Variants in GLDN observed in about 807,000 individuals in gnomAD.
GLDN encodes collomin.
In GLDN, 47 loss-of-function variants were observed where a neutral mutation model predicts 56.5. That is an observed-to-expected ratio of 0.83 (90% CI 0.66 to 1.06). GLDN has a LOEUF of 1.06. GLDN is among the 50% of genes least tolerant of loss of function. The pLI is 0.00. For missense variants in GLDN, 782 were observed against 714.3 expected (o/e 1.09, Z -1.08); for synonymous variants, 332 against 278.8 (o/e 1.19, Z -1.90).
chr15:51,411,080 G>A (rs992023064), downstream of GLDN, among the ~76,000 whole-genome samples: 1 of 152,228 alleles, frequency 6.6e-6, no homozygotes, highest in African/African-American at 2.4e-5. Flanking sequence ...AGATTTGGGC[G>A]AAATAGGGAC....
At chr15:51,358,760 T>C (rs1233694382) in intron 1 of GLDN, among the ~76,000 whole-genome samples, 1 of 152,126 alleles carries the variant, frequency 6.6e-6, no homozygotes, top group African/African-American at 2.4e-5. Context: ...TGGGACCAAT[T>C]TGACCCTCAA....
intron 1 of GLDN, among the ~76,000 whole-genome samples, chr15:51,342,749 A>G (rs2036909547): frequency 6.6e-6 from 1 of 152,192 alleles, no homozygotes; most frequent in Non-Finnish European, 1.5e-5. Context: ...TGGTCTCCCC[A>G]CTGGGCTCCA....
rs1244305279 is a variant in GLDN, at chr15:51,371,795, G to T, written c.364-5654G>T. On this transcript the variant is annotated intron_variant, in intron 1 of 9. Coordinates refer to ENST00000335449, the MANE Select transcript of GLDN (RefSeq NM_181789.4). ...CCTCATGGGTTCAAGCGAGTCTCCT[G>T]CCTCAGCCTCCCAAGTAGCTGGGAT... Among the ~76,000 whole-genome samples the T allele has an allele frequency of 2.6e-5, 4 of 152,190 alleles. No homozygotes were observed. In the South Asian group the frequency reaches 8.3e-4, roughly 32 times the overall value.
At chr15:51,393,289 G>A (rs930439334) in intron 4 of GLDN, among the ~76,000 whole-genome samples, 2 of 152,176 alleles carry the variant, frequency 1.3e-5, no homozygotes, top group African/African-American at 4.8e-5. Context: ...TGGCAGTTAG[G>A]TTTCATCCTT....
chr15:51,391,420 C>T (rs1319416900), intron 4 of GLDN, among the ~76,000 whole-genome samples: 1 of 152,198 alleles, frequency 6.6e-6, no homozygotes, highest in Non-Finnish European at 1.5e-5. Flanking sequence ...CCAGCAGATA[C>T]CCTTTCCCTG....
At chr15:51,402,397 G>A (rs1401838080) in intron 9 of GLDN, among the ~76,000 whole-genome samples, 1 of 152,186 alleles carries the variant, frequency 6.6e-6, no homozygotes, top group Non-Finnish European at 1.5e-5. Flanking sequence ...GGTCATCTTG[G>A]GCAAATCAAG....
At chr15:51,397,856 C>T (rs1300713382) in intron 6 of GLDN, among the ~76,000 whole-genome samples, 2 of 152,184 alleles carry the variant, frequency 1.3e-5, no homozygotes, top group Non-Finnish European at 2.9e-5. Flanking sequence ...GCAGACCAGT[C>T]CTCCTCCTTG....
rs2038160818 is a variant in GLDN, at chr15:51,397,542, G to A, written c.761G>A (p.Gly254Glu). The A allele has an allele frequency of 4.4e-6, 7 of 1,602,536 alleles. No individual in the cohort carries two copies. The highest frequency in any genetic ancestry group is 6.0e-6 in the Non-Finnish European group (7 of 1,173,768). ...CCTCCAGGTCCTCCAGGGCCCCCTG[G>A]AAGCAGAAGAGCCAAAGGCCCTCGG... Reference protein sequence around the residue: ...PGPPGPPGPPGSRRAKGPRQP... With the variant: ...PGPPGPPGPPESRRAKGPRQP... Residue 254 changes from glycine (G) to glutamate (E), a missense_variant, in exon 6 of 10, where the codon GGA becomes GAA. Physicochemically the swap from Gly to Glu is moderately conservative, Grantham distance 98. Transcript: ENST00000335449.
At chr15:51,383,687 C>A in intron 3 of GLDN, 98 bp from the exon 4 acceptor site, 1 of 1,025,938 alleles carries the variant, frequency 9.7e-7, no homozygotes, top group Non-Finnish European at 1.4e-6. Context: ...GGAATTGATG[C>A]CTGCTCAGTT....
chr15:51,369,313 G>C (rs1411895022), intron 1 of GLDN, among the ~76,000 whole-genome samples: 1 of 152,224 alleles, frequency 6.6e-6, no homozygotes, highest in Non-Finnish European at 1.5e-5. Context: ...ATTAAGGAGA[G>C]TCATACAAAG....
At chr15:51,351,841 G>A (rs1434123236) in intron 1 of GLDN, among the ~76,000 whole-genome samples, 2 of 152,142 alleles carry the variant, frequency 1.3e-5, no homozygotes, top group African/African-American at 4.8e-5. Flanking sequence ...TTGGTAGCTG[G>A]GTGATCTTGG....
rs1287384093 is a variant in GLDN at position 51,404,420 on chromosome 15, G to A, written c.1322G>A (p.Ser441Asn). The A allele has an allele frequency of 6.2e-7, 1 of 1,614,072 alleles. No homozygotes were observed. The highest frequency in any genetic ancestry group is 8.5e-7 in the Non-Finnish European group (1 of 1,180,052). Residue 441 changes from serine (S) to asparagine (N), a missense_variant, in exon 10 of 10, where the codon AGT (serine) becomes AAT (asparagine). By Grantham distance (46) the Ser-to-Asn change is conservative. Coordinates refer to ENST00000335449, the MANE Select transcript of GLDN (RefSeq NM_181789.4). The stretch of plus-strand genomic sequence containing the variant: ...GGCCTTTGGATTATCTATGCGTCAA[G>A]TGTGGACGGCTCGAGCATTCTTGTA... ...EKGLWIIYASSVDGSSILVAQ... is the reference protein window; with the variant it reads ...EKGLWIIYASNVDGSSILVAQ...
Position 51,395,053 on chromosome 15 carries a change from G to A in GLDN, c.688+72G>A, listed in dbSNP as rs75938739. 0.035 allele frequency: 49,259 copies of A among 1,415,264 alleles called. 2,098 individuals carry two copies. The highest frequency in any genetic ancestry group is 0.19 in the African/African-American group (13,302 of 68,800). 87.7% of individuals were successfully genotyped at this position (1,415,264 alleles called of 1,614,324 possible). Reference sequence around the variant, plus strand: ...AGAACTGCCTGGCTTCCAACACCAGGGCTGCTCCTGTGTCTTCTCTCCTTT... The same window carrying A: ...AGAACTGCCTGGCTTCCAACACCAGAGCTGCTCCTGTGTCTTCTCTCCTTT... On this transcript the variant is annotated intron_variant, in intron 5 of 9. Coordinates refer to ENST00000335449, the MANE Select transcript of GLDN (RefSeq NM_181789.4).
chr15:51,351,048 T>G, intron 1 of GLDN: 1 of 212,104 alleles, frequency 4.7e-6, no homozygotes, highest in Non-Finnish European at 9.8e-6. Context: ...TTTTTTTAAG[T>G]GAACGTAAAC....
At chr15:51,377,204 T>C in intron 1 of GLDN, 1 of 541,292 alleles carries the variant, frequency 1.8e-6, no homozygotes, top group Non-Finnish European at 3.3e-6. Flanking sequence ...ACCAAGACAC[T>C]ACCCCGTGAC....
At chr15:51,384,698 A>G (rs886974419) in intron 4 of GLDN, 1 of 152,608 alleles carries the variant, frequency 6.6e-6, no homozygotes, top group Non-Finnish European at 1.5e-5. Flanking sequence ...CTGTGGTGGG[A>G]GCTCAAAGAC....
Position 51,404,862 on chromosome 15 carries a change from C to A in GLDN, c.*108C>A, listed in dbSNP as rs2038342129. On this transcript the variant is annotated 3_prime_UTR_variant, in exon 10 of 10. Transcript: ENST00000335449. ...CGTCAGCCAGATATTTAGAAAATAA[C>A]CTCAAAAGTGTTTATATGGTCAGTG... 2.9e-6 allele frequency: 2 copies of A among 684,792 alleles called. No individual in the cohort carries two copies. The highest frequency in any genetic ancestry group is 1.8e-5 in the African/African-American group (1 of 56,090). 42.4% of individuals were successfully genotyped at this position (684,792 alleles called of 1,614,324 possible). A position where few individuals can be genotyped will look rare whatever the true frequency, so the allele number is the denominator to read the frequency against.
chr15:51,390,743 C>A (rs1468833117), intron 4 of GLDN, among the ~76,000 whole-genome samples: 1 of 152,114 alleles, frequency 6.6e-6, no homozygotes, highest in African/African-American at 2.4e-5. Context: ...AACTCAAATG[C>A]TGATGAAACT....
At chr15:51,393,409 T>A (rs183979890) in intron 4 of GLDN, among the ~76,000 whole-genome samples, 1 of 141,134 alleles carries the variant, frequency 7.1e-6, no homozygotes, top group Non-Finnish European at 1.5e-5. Flanking sequence ...CTACCCAGTA[T>A]TCAGTATTTG....
Sources: gnomAD v4.1 joint callset for allele counts (sites outside exome capture counted in the v4.1 genomes callset) on GRCh38, gnomAD v4.1.1 for gene constraint, MANE v1.5 for transcripts, NCBI Gene and HGNC (gene_info 2026-07-23, HGNC 2026-07-21) for gene names.